The following NIBAN1 variants were observed in gnomAD, a reference collection of about 807,000 sequenced individuals.
NIBAN1 encodes protein Niban 1.
Under a neutral mutation model 75.1 loss-of-function variants are expected in NIBAN1, and 81 were observed. That is an observed-to-expected ratio of 1.08 (90% CI 0.90 to 1.30). The LOEUF is 1.30. Ranked by LOEUF, NIBAN1 falls within the 50% of genes most tolerant of loss-of-function variation. NIBAN1 has a pLI of 0.00. For missense variants in NIBAN1, 1,133 were observed against 1,128.1 expected (o/e 1.00, Z -0.06); for synonymous variants, 436 against 424.8 (o/e 1.03, Z -0.32).
At position 184,795,388 on chromosome 1, in the gene NIBAN1, GC is replaced by G. The variant is rs747365311; in HGVS notation, c.2375del (p.Gly792AlafsTer55). 1.2e-6 allele frequency: 2 copies of G among 1,605,384 alleles called. No individual in the cohort carries two copies. Among genetic ancestry groups the G allele is most frequent in the Admixed American group, 3.4e-5 (2 of 59,338 alleles). On this transcript the variant is annotated frameshift_variant, in exon 14 of 14. Transcript: ENST00000367511. LOFTEE classifies it low-confidence loss of function (END_TRUNC). ...CACTGGCTGGCGGAGAGGCTGGGCT[GC>G]CTACCTCTGGAAATCCCCCCAACTC... ...GEELGGFPEV[G>X]SPASPPASGG...
chr1:184,911,070 C>A (rs1223114425), intron 1 of NIBAN1, among the ~76,000 whole-genome samples: 1 of 151,806 alleles, frequency 6.6e-6, no homozygotes, highest in Non-Finnish European at 1.5e-5. Flanking sequence ...AATACACACA[C>A]ACACACACAC....
At chr1:184,876,667 C>A (rs1438540221) in intron 5 of NIBAN1, among the ~76,000 whole-genome samples, 5 of 151,644 alleles carry the variant, frequency 3.3e-5, no homozygotes, top group East Asian at 1.9e-4. Context: ...CACCACTGCA[C>A]TCCAGCCAAG....
At chr1:184,834,112 G>A (rs551559567) in intron 5 of NIBAN1, among the ~76,000 whole-genome samples, 2 of 148,806 alleles carry the variant, frequency 1.3e-5, no homozygotes, top group African/African-American at 4.9e-5. Flanking sequence ...TGCAGTGTTT[G>A]GTTTTCTGTC....
chr1:184,856,397 G>C (rs1037949780), intron 5 of NIBAN1, among the ~76,000 whole-genome samples: 5 of 151,972 alleles, frequency 3.3e-5, no homozygotes, highest in South Asian at 2.1e-4. Flanking sequence ...ATACAGTAAG[G>C]GTTCTAAAAA....
chr1:184,944,329 A>C (rs1365307252), intron 1 of NIBAN1, among the ~76,000 whole-genome samples: 1 of 152,180 alleles, frequency 6.6e-6, no homozygotes, highest in Non-Finnish European at 1.5e-5. Flanking sequence ...TATGGGAATG[A>C]CCACACTGCT....
intron 5 of NIBAN1, among the ~76,000 whole-genome samples, chr1:184,874,666 A>G (rs571996098): frequency 3.1e-4 from 47 of 152,246 alleles, no homozygotes; most frequent in Non-Finnish European, 5.1e-4. Context: ...ATATAATTCA[A>G]CAATAGAAAT....
intron 1 of NIBAN1, among the ~76,000 whole-genome samples, chr1:184,941,651 T>TAA (rs1318086417): frequency 1.0e-5 from 1 of 100,204 alleles, no homozygotes; most frequent in Non-Finnish European, 1.9e-5. Flanking sequence ...AGACCCTGTC[T>TAA]CAAAAAAAAA....
intron 1 of NIBAN1, among the ~76,000 whole-genome samples, chr1:184,958,869 C>T (rs1270898411): frequency 6.6e-6 from 1 of 152,212 alleles, no homozygotes; most frequent in African/African-American, 2.4e-5. Context: ...AGATATTACA[C>T]ATTTGCCATT....
intron 1 of NIBAN1, among the ~76,000 whole-genome samples, chr1:184,945,998 T>TAAA (rs112599159): frequency 5.5e-5 from 8 of 145,856 alleles, no homozygotes; most frequent in African/African-American, 1.5e-4. Context: ...GCGCTGGGAT[T>TAAA]AAAAAAAAAA....
At chr1:184,932,843 C>T (rs1415236908) in intron 1 of NIBAN1, among the ~76,000 whole-genome samples, 1 of 152,200 alleles carries the variant, frequency 6.6e-6, no homozygotes, top group Non-Finnish European at 1.5e-5. Context: ...GTGCCAGTCT[C>T]TCTGCATCTA....
chr1:184,911,697 A>T (rs910858852), intron 1 of NIBAN1, among the ~76,000 whole-genome samples: 1 of 152,250 alleles, frequency 6.6e-6, no homozygotes, highest in African/African-American at 2.4e-5. Context: ...CATGGTATTT[A>T]AAAAGTCTTT....
At chr1:184,967,813 C>A (rs1658837749) in intron 1 of NIBAN1, among the ~76,000 whole-genome samples, 1 of 152,156 alleles carries the variant, frequency 6.6e-6, no homozygotes, top group South Asian at 2.1e-4. Flanking sequence ...TTAGAAGCCA[C>A]AAGAGGGAAA....
At chr1:184,967,459 T>A (rs535222465) in intron 1 of NIBAN1, among the ~76,000 whole-genome samples, 308 of 152,326 alleles carry the variant, frequency 2.0e-3, no homozygotes, top group African/African-American at 6.5e-3. Flanking sequence ...ATTAGGAGAT[T>A]AAAGTTCACT....
intron 5 of NIBAN1, among the ~76,000 whole-genome samples, chr1:184,833,087 G>A (rs1050010794): frequency 5.3e-5 from 8 of 151,872 alleles, no homozygotes; most frequent in Non-Finnish European, 1.2e-4. Context: ...CATTTATAGG[G>A]CAACATTACA....
chr1:184,963,806 A>G (rs1658710644), intron 1 of NIBAN1, among the ~76,000 whole-genome samples: 1 of 152,220 alleles, frequency 6.6e-6, no homozygotes, highest in African/African-American at 2.4e-5. Flanking sequence ...TGAAAGACTC[A>G]ATATCATACA....
chr1:184,852,039 A>G (rs910227922), intron 5 of NIBAN1, among the ~76,000 whole-genome samples: 2 of 152,160 alleles, frequency 1.3e-5, no homozygotes, highest in African/African-American at 2.4e-5. Context: ...TTCGGTGAGC[A>G]GAGACTCACA....
At chr1:184,827,011 A>C (rs1434690266) in intron 6 of NIBAN1, among the ~76,000 whole-genome samples, 13 of 152,124 alleles carry the variant, frequency 8.5e-5, no homozygotes, top group Non-Finnish European at 1.5e-5. Context: ...GTAGTGAATA[A>C]GTCTCACCAG....
intron 1 of NIBAN1, among the ~76,000 whole-genome samples, chr1:184,904,652 C>T (rs1016587225): frequency 5.9e-5 from 9 of 152,082 alleles, no homozygotes; most frequent in Admixed American, 2.6e-4. Context: ...TATCTCTCAA[C>T]GACATTATAA....
chr1:184,947,980 C>T (rs528176415), intron 1 of NIBAN1, among the ~76,000 whole-genome samples: 1 of 152,230 alleles, frequency 6.6e-6, no homozygotes, highest in East Asian at 1.9e-4. Context: ...ACCATAATCT[C>T]CTTAAACTAT....
Sources: allele counts gnomAD v4.1 joint callset (sites outside exome capture counted in the v4.1 genomes callset), GRCh38; gene constraint gnomAD v4.1.1; transcripts MANE v1.5; gene names NCBI Gene and HGNC (gene_info 2026-07-23, HGNC 2026-07-21).